SPATA31F1: variants seen among roughly 807,000 people sequenced by gnomAD.
SPATA31F1 encodes protein SPATA31F1.
At chr9:34,723,066 T>C in the SPATA31F1 span, 2 of 774,246 alleles carry the variant, frequency 2.6e-6, no homozygotes, top group South Asian at 3.9e-5. Context: ...CTGAGAAATA[T>C]AGAGTGTATT....
At chr9:34,727,953 C>G in the SPATA31F1 span, 4 of 1,452,458 alleles carry the variant, frequency 2.8e-6, no homozygotes, top group Non-Finnish European at 2.8e-6. Context: ...TAGTCCTGCC[C>G]CAGGCCAAGC....
the SPATA31F1 span, among the ~76,000 whole-genome samples, chr9:34,727,469 T>C: frequency 6.6e-6 from 1 of 152,220 alleles, no homozygotes; most frequent in Admixed American, 6.5e-5. Context: ...CGTAATGTTA[T>C]ACCCAGCATC....
At chr9:34,725,736 A>T in the SPATA31F1 span, 4 of 1,548,722 alleles carry the variant, frequency 2.6e-6, no homozygotes, top group Non-Finnish European at 3.5e-6. Context: ...TGATGGTCAG[A>T]TGGAGACATC....
chr9:34,728,006 A>C, the SPATA31F1 span: 1 of 1,551,160 alleles, frequency 6.4e-7, no homozygotes, highest in African/African-American at 1.4e-5. Context: ...ATAGAGTGCA[A>C]AGAGCAATAG....
At chr9:34,724,239 C>T in the SPATA31F1 span, 3 of 1,551,484 alleles carry the variant, frequency 1.9e-6, no homozygotes, top group African/African-American at 1.4e-5. Flanking sequence ...TCTGTCATGT[C>T]CCCACTGGGC....
the SPATA31F1 span, chr9:34,724,963 A>G: frequency 5.8e-6 from 9 of 1,551,668 alleles, no homozygotes; most frequent in African/African-American, 1.4e-5. Context: ...GGAGCAGCTT[A>G]GGGTGTTCAG....
At chr9:34,725,735 G>T in the SPATA31F1 span, 1 of 1,548,758 alleles carries the variant, frequency 6.5e-7, no homozygotes, top group Admixed American at 2.0e-5. Context: ...TTGATGGTCA[G>T]ATGGAGACAT....
chr9:34,724,108 T>C, the SPATA31F1 span: 1 of 1,528,420 alleles, frequency 6.5e-7, no homozygotes, highest in South Asian at 1.3e-5. Context: ...TGTTTCCTGC[T>C]AGCATGGGGA....
chr9:34,727,751 A>G, the SPATA31F1 span, among the ~76,000 whole-genome samples: 1 of 152,234 alleles, frequency 6.6e-6, no homozygotes, highest in Non-Finnish European at 1.5e-5. Flanking sequence ...GTGCAGCTCC[A>G]TGTAATATGT....
chr9:34,723,816 G>C, the SPATA31F1 span: 3 of 1,551,616 alleles, frequency 1.9e-6, no homozygotes, highest in African/African-American at 4.1e-5. Flanking sequence ...AGCTTGGTTT[G>C]ACTGTCTTGC....
the SPATA31F1 span, chr9:34,723,429 C>T: frequency 6.4e-7 from 1 of 1,551,676 alleles, no homozygotes; most frequent in Non-Finnish European, 8.7e-7. Context: ...TTGGAGCACC[C>T]TGTCGGCTTC....
At chr9:34,726,707 T>C in the SPATA31F1 span, 4 of 1,551,722 alleles carry the variant, frequency 2.6e-6, no homozygotes, top group Non-Finnish European at 1.7e-6. Context: ...TAAAGATTTC[T>C]GATCTGTTAA....
At chr9:34,727,538 CT>C in the SPATA31F1 span, among the ~76,000 whole-genome samples, 1 of 152,196 alleles carries the variant, frequency 6.6e-6, no homozygotes, top group African/African-American at 2.4e-5. Flanking sequence ...TAATAGACTC[CT>C]GTCTAAGGAG....
At chr9:34,723,960 G>T in the SPATA31F1 span, 1 of 1,550,934 alleles carries the variant, frequency 6.4e-7, no homozygotes. Context: ...CAGGACCCTC[G>T]GGGTGTCTTG....
the SPATA31F1 span, chr9:34,725,889 A>G: frequency 2.6e-6 from 4 of 1,552,128 alleles, no homozygotes; most frequent in South Asian, 3.6e-5. Flanking sequence ...AGGCCTTGAG[A>G]TCCCATGAAA....
chr9:34,723,070 G>T, the SPATA31F1 span: 2 of 787,858 alleles, frequency 2.5e-6, no homozygotes, highest in Non-Finnish European at 4.0e-6. Context: ...GAAATATAGA[G>T]TGTATTTCTA....
At chr9:34,728,575 TG>T in the SPATA31F1 span, 1 of 1,547,044 alleles carries the variant, frequency 6.5e-7, no homozygotes, top group East Asian at 2.4e-5. Flanking sequence ...ACACCCACAG[TG>T]GAAGGGAGTC....
chr9:34,728,774 T>C, the SPATA31F1 span: 1 of 919,436 alleles, frequency 1.1e-6, no homozygotes, highest in Non-Finnish European at 1.7e-6. Context: ...CTGTATTTTA[T>C]ACACTCTCCT....
chr9:34,728,137 A>G, the SPATA31F1 span: 3 of 1,504,100 alleles, frequency 2.0e-6, no homozygotes, highest in East Asian at 2.5e-5. Context: ...TAGGCATCCT[A>G]TAGGAAGCTG....
Sources: gnomAD v4.1 joint callset for allele counts (sites outside exome capture counted in the v4.1 genomes callset) on GRCh38, gnomAD v4.1.1 for gene constraint, MANE v1.5 for transcripts, NCBI Gene and HGNC (gene_info 2026-07-23, HGNC 2026-07-21) for gene names.